The following PDE4B variants were observed in gnomAD, a reference collection of about 807,000 sequenced individuals.
PDE4B encodes phosphodiesterase 4B.
A neutral mutation model predicts 82.2 loss-of-function variants in PDE4B; 20 were observed. That is an observed-to-expected ratio of 0.24 (90% CI 0.17 to 0.35). The LOEUF (loss-of-function observed/expected upper bound fraction) is 0.35, where lower values mean the gene tolerates loss of function less well. Ranked by LOEUF, PDE4B falls within the 10% of genes least tolerant of loss-of-function variation. The pLI, the probability that PDE4B is intolerant of heterozygous loss-of-function variation, is 1.00. For missense variants in PDE4B, 655 were observed against 907.2 expected (o/e 0.72, Z 3.57); for synonymous variants, 320 against 318.9 (o/e 1.00, Z -0.04).
intron 7 of PDE4B, among the ~76,000 whole-genome samples, chr1:66,328,008 AG>A (rs1475443979): frequency 6.6e-6 from 1 of 152,244 alleles, no homozygotes; most frequent in African/African-American, 2.4e-5. Flanking sequence ...TTATGCCTTA[AG>A]GTAAATAAGA....
intron 3 of PDE4B, among the ~76,000 whole-genome samples, chr1:66,242,327 A>G (rs997522743): frequency 1.3e-5 from 2 of 152,234 alleles, no homozygotes; most frequent in African/African-American, 4.8e-5. Context: ...AAAGAGACTC[A>G]GTGAGTAATT....
intron 3 of PDE4B, among the ~76,000 whole-genome samples, chr1:66,132,951 T>G (rs1645980777): frequency 6.6e-6 from 1 of 152,206 alleles, no homozygotes; most frequent in East Asian, 1.9e-4. Flanking sequence ...GTGGCATATC[T>G]TAGAAAATGT....
intron 3 of PDE4B, among the ~76,000 whole-genome samples, chr1:66,131,734 T>A (rs538820963): frequency 6.6e-6 from 1 of 150,558 alleles, no homozygotes; most frequent in East Asian, 2.0e-4. Flanking sequence ...ACCTACTATG[T>A]ACCAGACAGT....
intron 9 of PDE4B, among the ~76,000 whole-genome samples, chr1:66,357,366 A>C (rs994114884): frequency 3.9e-5 from 6 of 152,188 alleles, no homozygotes; most frequent in African/African-American, 1.4e-4. Flanking sequence ...ACCAAGAAAG[A>C]AAGCTGATAA....
intron 3 of PDE4B, among the ~76,000 whole-genome samples, chr1:66,134,789 G>T (rs541681066): frequency 6.6e-6 from 1 of 152,290 alleles, no homozygotes; most frequent in South Asian, 2.1e-4. Context: ...TTTATTACAT[G>T]TGTGCCATGT....
intron 3 of PDE4B, among the ~76,000 whole-genome samples, chr1:66,167,223 A>G (rs1208626720): frequency 2.0e-5 from 3 of 152,226 alleles, no homozygotes; most frequent in Admixed American, 2.0e-4. Context: ...AAATGATCAC[A>G]TAAATTCATG....
chr1:65,796,869 C>G (rs1645637098), intron 1 of PDE4B, among the ~76,000 whole-genome samples: 1 of 151,586 alleles, frequency 6.6e-6, no homozygotes, highest in South Asian at 2.1e-4. Context: ...TAGGATGGTC[C>G]CGATCTCCTG....
chr1:66,117,363 A>G (rs1338895820), intron 3 of PDE4B, among the ~76,000 whole-genome samples: 1 of 152,192 alleles, frequency 6.6e-6, no homozygotes, highest in Non-Finnish European at 1.5e-5. Flanking sequence ...ACAACTGTTT[A>G]TAAGTGAACA....
intron 7 of PDE4B, among the ~76,000 whole-genome samples, chr1:66,305,431 CA>C (rs939993088): frequency 2.0e-5 from 3 of 152,012 alleles, no homozygotes; most frequent in Non-Finnish European, 4.4e-5. Context: ...AGATAAACAA[CA>C]GGTAATTTTT....
At chr1:66,118,296 C>T (rs1645638072) in intron 3 of PDE4B, among the ~76,000 whole-genome samples, 1 of 152,092 alleles carries the variant, frequency 6.6e-6, no homozygotes, top group Non-Finnish European at 1.5e-5. Context: ...GCACTATTCA[C>T]AATAGCAAAG....
intron 6 of PDE4B, among the ~76,000 whole-genome samples, chr1:66,262,808 G>A (rs958669055): frequency 6.6e-6 from 1 of 152,116 alleles, no homozygotes; most frequent in Non-Finnish European, 1.5e-5. Flanking sequence ...TATCTGAATT[G>A]ACAACTCTAA....
chr1:66,349,649 C>T lies in PDE4B; in HGVS notation c.748-5878C>T, dbSNP rs1004226120. On this transcript the variant is annotated intron_variant, in intron 8 of 16. Coordinates refer to ENST00000341517, the MANE Select transcript of PDE4B (RefSeq NM_002600.4). ...CACTTGCTTTTCAAATAAGACAAACCTGTCAATAAAGAAACTGGACATCAA... is the reference window on the plus strand; with the variant it reads ...CACTTGCTTTTCAAATAAGACAAACTTGTCAATAAAGAAACTGGACATCAA... Among the ~76,000 whole-genome samples, 10 of 152,220 alleles carry T rather than the reference C, an allele frequency of 6.6e-5. 3 individuals are homozygous for T. Among genetic ancestry groups the T allele is most frequent in the Admixed American group, 6.5e-5 (1 of 15,280 alleles).
chr1:66,356,260 A>C (rs898733010), intron 9 of PDE4B, among the ~76,000 whole-genome samples: 1 of 152,200 alleles, frequency 6.6e-6, no homozygotes, highest in Non-Finnish European at 1.5e-5. Flanking sequence ...CTGTTGTTAC[A>C]TTACTGGTAT....
chr1:65,989,893 A>ATTTTTTTTTTTT (rs10654149), intron 3 of PDE4B, among the ~76,000 whole-genome samples: 1 of 142,536 alleles, frequency 7.0e-6, no homozygotes, highest in Non-Finnish European at 1.5e-5. Context: ...AAAGTGTCTC[A>ATTTTTTTTTTTT]TTTTTTTTTT....
intron 3 of PDE4B, among the ~76,000 whole-genome samples, chr1:66,184,241 G>C (rs187585569): frequency 6.4e-4 from 98 of 152,260 alleles, no homozygotes; most frequent in Non-Finnish European, 1.3e-3. Flanking sequence ...AGGTACATGA[G>C]AGAAAAGAAA....
At position 65,928,162 on chromosome 1, in the gene PDE4B, A is replaced by T. The variant is rs553005399; in HGVS notation, c.281+9327A>T. Among the ~76,000 whole-genome samples, 5 of 150,674 alleles carry T rather than the reference A, an allele frequency of 3.3e-5. No homozygotes were observed. The South Asian group carries it at 1.1e-3, about 32-fold the overall frequency. On this transcript the variant is annotated intron_variant, in intron 3 of 16. Coordinates refer to ENST00000341517, the MANE Select transcript of PDE4B (RefSeq NM_002600.4). ...GAAAGATTCACTGCTCAAATTGTCG[A>T]TAACGTAGTGAGGTCCTTCCTCAAG...
intron 6 of PDE4B, among the ~76,000 whole-genome samples, chr1:66,258,141 C>T (rs560297774): frequency 2.6e-5 from 4 of 152,200 alleles, no homozygotes; most frequent in East Asian, 1.9e-4. Flanking sequence ...ATTTAATTTT[C>T]GTTGACTTTT....
intron 1 of PDE4B, among the ~76,000 whole-genome samples, chr1:65,905,149 G>T (rs1298048456): frequency 6.6e-6 from 1 of 152,068 alleles, no homozygotes; most frequent in Non-Finnish European, 1.5e-5. Flanking sequence ...GCTTCTGGGA[G>T]GCATAAACCT....
At chr1:65,857,175 G>A (rs960814427) in intron 1 of PDE4B, among the ~76,000 whole-genome samples, 2 of 152,132 alleles carry the variant, frequency 1.3e-5, no homozygotes, top group Non-Finnish European at 2.9e-5. Context: ...CTTTAAAAAT[G>A]TAAGTCATAT....
Sources: gnomAD v4.1 joint callset for allele counts (sites outside exome capture counted in the v4.1 genomes callset) on GRCh38, gnomAD v4.1.1 for gene constraint, MANE v1.5 for transcripts, NCBI Gene and HGNC (gene_info 2026-07-23, HGNC 2026-07-21) for gene names.